Variants in LRP1B observed in about 807,000 individuals in gnomAD.
The protein encoded by LRP1B is low-density lipoprotein receptor-related protein 1B.
A neutral mutation model predicts 556.6 loss-of-function variants in LRP1B; 217 were observed. That is an observed-to-expected ratio of 0.39 (90% CI 0.35 to 0.44). The LOEUF (loss-of-function observed/expected upper bound fraction) is 0.44, where lower values mean the gene tolerates loss of function less well. Ranked by LOEUF, LRP1B falls within the 20% of genes least tolerant of loss-of-function variation. The pLI is 1.00. For missense variants in LRP1B, 5,053 were observed against 5,620.8 expected (o/e 0.90, Z 3.23); for synonymous variants, 2,047 against 1,865.8 (o/e 1.10, Z -2.50).
In LRP1B at chr2:140,456,539, T is replaced by C. The variant is rs2105322024; in HGVS notation, c.9879A>G (p.Gly3293=). The change falls in exon 62 of 91, where the codon GGA becomes GGG. Residue 3293 remains glycine, a synonymous_variant. Coordinates refer to ENST00000389484, the MANE Select transcript of LRP1B (RefSeq NM_018557.3). Reference sequence around the variant, plus strand: ...TGGGACATGCACAAGTGTGGGTTTTTCCAGGGGCTAAAAGGCACAAATGAC... The same window carrying C: ...TGGGACATGCACAAGTGTGGGTTTTCCCAGGGGCTAAAAGGCACAAATGAC... ...GCSHLCLLAP[G]KTHTCACPTN... is the part of the protein sequence containing the mutation. The C allele has an allele frequency of 3.1e-6, 5 of 1,613,516 alleles. No individual in the cohort carries two copies. Among genetic ancestry groups the C allele is most frequent in the South Asian group, 1.1e-5 (1 of 91,008 alleles).
At chr2:141,503,391 C>A (rs368549271) in intron 2 of LRP1B, among the ~76,000 whole-genome samples, 1 of 151,458 alleles carries the variant, frequency 6.6e-6, no homozygotes, top group Non-Finnish European at 1.5e-5. Flanking sequence ...CCACTTATTT[C>A]CAACAGTTTC....
chr2:142,039,370 C>T (rs1474749537), intron 1 of LRP1B, among the ~76,000 whole-genome samples: 1 of 151,354 alleles, frequency 6.6e-6, no homozygotes, highest in African/African-American at 2.4e-5. Context: ...CTGCCATCTC[C>T]ATATTATCTC....
intron 2 of LRP1B, among the ~76,000 whole-genome samples, chr2:141,715,628 A>G (rs1459245938): frequency 6.6e-6 from 1 of 152,084 alleles, no homozygotes; most frequent in Non-Finnish European, 1.5e-5. Flanking sequence ...CAGCCTGACC[A>G]ACATGGTGAA....
At chr2:142,057,362 T>TA (rs1248115743) in intron 1 of LRP1B, among the ~76,000 whole-genome samples, 4 of 152,234 alleles carry the variant, frequency 2.6e-5, no homozygotes, top group Admixed American at 2.6e-4. Flanking sequence ...CTCAGTGACC[T>TA]AAAAAATCCA....
chr2:141,030,001 A>G (rs537507640), intron 11 of LRP1B, among the ~76,000 whole-genome samples: 1 of 152,280 alleles, frequency 6.6e-6, no homozygotes, highest in East Asian at 1.9e-4. Flanking sequence ...AGACAAAATT[A>G]TCCGTGTTCT....
chr2:140,866,137 T>C (rs1448925316), intron 27 of LRP1B, among the ~76,000 whole-genome samples: 4 of 152,098 alleles, frequency 2.6e-5, no homozygotes, highest in Non-Finnish European at 5.9e-5. Flanking sequence ...TTATTATTAC[T>C]ACAAAATGCC....
intron 70 of LRP1B, 73 bp from the exon 71 acceptor site, chr2:140,370,915 A>G: frequency 3.4e-6 from 5 of 1,479,388 alleles, no homozygotes; most frequent in Non-Finnish European, 4.7e-6. Context: ...ATAAACATGC[A>G]GCTTGTAATA....
At chr2:141,427,168 C>T (rs1183808572) in intron 3 of LRP1B, among the ~76,000 whole-genome samples, 4 of 152,110 alleles carry the variant, frequency 2.6e-5, no homozygotes, top group Non-Finnish European at 5.9e-5. Flanking sequence ...CCAAAAGCAA[C>T]TTAGGCATTA....
intron 37 of LRP1B, among the ~76,000 whole-genome samples, chr2:140,715,162 G>T (rs2105459073): frequency 6.6e-6 from 1 of 151,836 alleles, no homozygotes; most frequent in South Asian, 2.1e-4. Flanking sequence ...ATTATTATAG[G>T]GTCTGATTAA....
chr2:140,922,359 A>G (rs1694762942), intron 21 of LRP1B, among the ~76,000 whole-genome samples: 1 of 151,838 alleles, frequency 6.6e-6, no homozygotes, highest in South Asian at 2.1e-4. Flanking sequence ...GTAATAGGGT[A>G]TATTTATATA....
At chr2:142,030,972 T>A (rs747626392) in intron 1 of LRP1B, among the ~76,000 whole-genome samples, 2 of 151,938 alleles carry the variant, frequency 1.3e-5, no homozygotes, top group African/African-American at 4.8e-5. Flanking sequence ...TTTGTTCTTA[T>A]AGACCTGTCA....
intron 82 of LRP1B, among the ~76,000 whole-genome samples, chr2:140,317,946 T>C (rs193080786): frequency 1.3e-5 from 2 of 149,646 alleles, no homozygotes; most frequent in East Asian, 3.9e-4. Flanking sequence ...AGAAAGCTGC[T>C]TTTGTCAATA....
At chr2:141,821,472 C>T (rs758314125) in intron 1 of LRP1B, among the ~76,000 whole-genome samples, 7 of 152,276 alleles carry the variant, frequency 4.6e-5, no homozygotes, top group Admixed American at 1.3e-4. Context: ...TCCCAATACA[C>T]TGGCACAGGA....
At chr2:140,973,369 G>A (rs902695871) in intron 18 of LRP1B, among the ~76,000 whole-genome samples, 5 of 151,914 alleles carry the variant, frequency 3.3e-5, no homozygotes, top group Admixed American at 1.3e-4. Flanking sequence ...GTACTATGAT[G>A]GATGATGGAT....
intron 3 of LRP1B, among the ~76,000 whole-genome samples, chr2:141,478,546 TTC>T (rs928625745): frequency 1.7e-5 from 2 of 120,828 alleles, no homozygotes; most frequent in African/African-American, 5.9e-5. Context: ...CTCTCTCTCA[TTC>T]TCTCTTTCTT....
At chr2:141,678,082 A>C (rs1574231297) in intron 2 of LRP1B, among the ~76,000 whole-genome samples, 1 of 152,312 alleles carries the variant, frequency 6.6e-6, no homozygotes, top group African/African-American at 2.4e-5. Context: ...AAAATTTCAG[A>C]CTTAGGCCCA....
Position 141,304,427 on chromosome 2 carries a change from A to G in LRP1B, c.344-49786T>C, listed in dbSNP as rs1213788726. 2.7e-5 allele frequency among the ~76,000 whole-genome samples: 4 copies of G among 148,966 alleles called. No homozygotes were observed. In the East Asian group the frequency reaches 7.9e-4, roughly 29 times the overall value. On this transcript the variant is annotated intron_variant, in intron 3 of 90. Coordinates refer to ENST00000389484, the MANE Select transcript of LRP1B (RefSeq NM_018557.3). ...TTATAGTTTCATGTCTCTAAGACAT[A>G]TTGAATTGCTTTTTGTATATTGAGA... is the stretch of plus-strand genomic sequence containing the variant.
At chr2:140,241,776 A>G (rs1433897773) in intron 87 of LRP1B, among the ~76,000 whole-genome samples, 1 of 150,962 alleles carries the variant, frequency 6.6e-6, no homozygotes, top group Non-Finnish European at 1.5e-5. Context: ...ATTAACAGAT[A>G]TTATAAAAAT....
chr2:141,041,677 G>A (rs13420531), intron 11 of LRP1B, among the ~76,000 whole-genome samples: 74,235 of 151,906 alleles, frequency 0.49, 20,239 homozygotes, highest in Non-Finnish European at 0.61. Context: ...ACTGCAAGGA[G>A]TGAATATGGT....
Sources: allele counts gnomAD v4.1 joint callset (sites outside exome capture counted in the v4.1 genomes callset), GRCh38; gene constraint gnomAD v4.1.1; transcripts MANE v1.5; gene names NCBI Gene and HGNC (gene_info 2026-07-23, HGNC 2026-07-21).